BMP6: variants seen among roughly 807,000 people sequenced by gnomAD.
The protein encoded by BMP6 is VG-1-R.
A neutral mutation model predicts 54.1 loss-of-function variants in BMP6; 17 were observed. The observed-to-expected ratio is 0.31, with a 90% CI of 0.22 to 0.47. BMP6 has a LOEUF of 0.47. Ranked by LOEUF, BMP6 falls within the 20% of genes least tolerant of loss-of-function variation. BMP6 has a pLI of 1.00. For synonymous variants in BMP6, 328 were observed against 291.2 expected (o/e 1.13, Z -1.28); for missense variants, 720 against 690.4 (o/e 1.04, Z -0.48).
At chr6:7,747,833 A>G (rs1306074699) in intron 1 of BMP6, among the ~76,000 whole-genome samples, 1 of 148,924 alleles carries the variant, frequency 6.7e-6, no homozygotes, top group South Asian at 2.1e-4. Context: ...TTTTGTAGAG[A>G]TGGGGTTTCT....
chr6:7,860,601 A>C (rs1490963290), intron 2 of BMP6, among the ~76,000 whole-genome samples: 1 of 152,220 alleles, frequency 6.6e-6, no homozygotes, highest in East Asian at 1.9e-4. Flanking sequence ...GCCTAATGGA[A>C]GGAATGGATT....
intron 1 of BMP6, among the ~76,000 whole-genome samples, chr6:7,838,928 C>A (rs1400591996): frequency 7.9e-6 from 1 of 126,526 alleles, no homozygotes; most frequent in Non-Finnish European, 1.6e-5. Context: ...GGTGACAGAG[C>A]GAGACTCTGT....
At chr6:7,812,924 T>TG (rs1172429549) in intron 1 of BMP6, among the ~76,000 whole-genome samples, 1 of 148,988 alleles carries the variant, frequency 6.7e-6, no homozygotes, top group Non-Finnish European at 1.5e-5. Context: ...CTCTGAGTTC[T>TG]GTAACTGGCC....
intron 2 of BMP6, among the ~76,000 whole-genome samples, chr6:7,859,208 C>T (rs1311422702): frequency 6.6e-6 from 1 of 152,228 alleles, no homozygotes; most frequent in African/African-American, 2.4e-5. Flanking sequence ...GGATGATGTG[C>T]GTCTGCCTCA....
chr6:7,781,988 G>A (rs540462633), intron 1 of BMP6, among the ~76,000 whole-genome samples: 3 of 151,606 alleles, frequency 2.0e-5, no homozygotes, highest in South Asian at 4.2e-4. Flanking sequence ...ACACTTGGAA[G>A]GGATGGAGTG....
chr6:7,804,993 C>A (rs1349050436), intron 1 of BMP6, among the ~76,000 whole-genome samples: 1 of 152,138 alleles, frequency 6.6e-6, no homozygotes, highest in East Asian at 1.9e-4. Context: ...CAGGTCACAC[C>A]AGAGGGACGA....
At chr6:7,799,439 G>T (rs1031862012) in intron 1 of BMP6, among the ~76,000 whole-genome samples, 1 of 152,130 alleles carries the variant, frequency 6.6e-6, no homozygotes, top group Non-Finnish European at 1.5e-5. Flanking sequence ...TCAAAGTTAT[G>T]ATTTCTTTTT....
chr6:7,874,287 G>C (rs1759572154), intron 4 of BMP6, among the ~76,000 whole-genome samples: 1 of 152,342 alleles, frequency 6.6e-6, no homozygotes, highest in East Asian at 1.9e-4. Context: ...GTTGATAGAG[G>C]ATGTGGGTTG....
At chr6:7,752,250 T>C (rs559854495) in intron 1 of BMP6, among the ~76,000 whole-genome samples, 2 of 152,336 alleles carry the variant, frequency 1.3e-5, no homozygotes, top group South Asian at 2.1e-4. Flanking sequence ...CTGTATTCCA[T>C]TGAAACGTTA....
At chr6:7,819,115 T>TGTGTGTGAGTACATATGTGA (rs1758570713) in intron 1 of BMP6, among the ~76,000 whole-genome samples, 1 of 152,138 alleles carries the variant, frequency 6.6e-6, no homozygotes. Context: ...GTGGTGTCTT[T>TGTGTGTGAGTACATATGTGA]GTGTGTGAGT....
intron 2 of BMP6, among the ~76,000 whole-genome samples, chr6:7,860,608 G>C (rs766066693): frequency 9.9e-5 from 15 of 152,186 alleles, no homozygotes; most frequent in Non-Finnish European, 1.6e-4. Flanking sequence ...GGAAGGAATG[G>C]ATTCTCTGAC....
At chr6:7,754,821 C>T (rs1183182014) in intron 1 of BMP6, among the ~76,000 whole-genome samples, 1 of 151,972 alleles carries the variant, frequency 6.6e-6, no homozygotes, top group African/African-American at 2.4e-5. Context: ...AGGTTCAAGC[C>T]ATTCTCCTAC....
intron 1 of BMP6, among the ~76,000 whole-genome samples, chr6:7,749,874 C>T (rs574009228): frequency 6.6e-5 from 10 of 152,300 alleles, no homozygotes; most frequent in African/African-American, 2.4e-4. Context: ...GATCTGGGAC[C>T]AAGGAATCCG....
chr6:7,748,859 AGGAT>A (rs1757383795), intron 1 of BMP6, among the ~76,000 whole-genome samples: 1 of 152,188 alleles, frequency 6.6e-6, no homozygotes, highest in Admixed American at 6.5e-5. Context: ...CCCCATCTCT[AGGAT>A]TGTGAATTTC....
intron 1 of BMP6, among the ~76,000 whole-genome samples, chr6:7,772,347 G>A (rs768684015): frequency 2.0e-5 from 3 of 152,092 alleles, no homozygotes; most frequent in Admixed American, 1.3e-4. Context: ...GGATCTTTTC[G>A]TTGGTGAATT....
intron 1 of BMP6, among the ~76,000 whole-genome samples, chr6:7,797,539 G>C (rs531833463): frequency 6.6e-6 from 1 of 152,298 alleles, no homozygotes; most frequent in African/African-American, 2.4e-5. Flanking sequence ...TGAGAAACAA[G>C]AGTGGGTGCT....
At chr6:7,875,627 C>T (rs1759603939) in intron 4 of BMP6, among the ~76,000 whole-genome samples, 1 of 152,150 alleles carries the variant, frequency 6.6e-6, no homozygotes, top group South Asian at 2.1e-4. Flanking sequence ...ATGATTGTGC[C>T]ACTGTGCTCC....
chr6:7,751,059 T>C (rs1183194676), intron 1 of BMP6, among the ~76,000 whole-genome samples: 1 of 152,226 alleles, frequency 6.6e-6, no homozygotes, highest in African/African-American at 2.4e-5. Flanking sequence ...TTCCCGGCCA[T>C]ATTAAGCTCA....
chr6:7,861,634 AAGTC>A, intron 3 of BMP6, 35 bp downstream of exon 3: 2 of 1,611,694 alleles, frequency 1.2e-6, no homozygotes, highest in Non-Finnish European at 1.7e-6. Context: ...AACGTCCAGC[AAGTC>A]ATCAGTTTCA....
Sources: allele counts gnomAD v4.1 joint callset (sites outside exome capture counted in the v4.1 genomes callset), GRCh38; gene constraint gnomAD v4.1.1; transcripts MANE v1.5; gene names NCBI Gene and HGNC (gene_info 2026-07-23, HGNC 2026-07-21).